Variants in C12orf42 observed in about 807,000 individuals in gnomAD.
C12orf42 encodes the protein uncharacterized protein C12orf42.
In C12orf42, 25 loss-of-function variants were observed where a neutral mutation model predicts 21.6. The ratio of observed to expected loss-of-function variants is 1.16; its 90% CI spans 0.84 to 1.62. The LOEUF (loss-of-function observed/expected upper bound fraction) is 1.62. Ranked by LOEUF, C12orf42 falls within the 40% of genes most tolerant of loss-of-function variation. C12orf42 has a pLI of 0.00. For missense variants in C12orf42, 483 were observed against 459.3 expected, an observed-to-expected ratio of 1.05 and a Z score of -0.47; for synonymous variants, 174 against 175.0, an observed-to-expected ratio of 0.99 and a Z score of 0.05.
chr12:103,454,613 T>C (rs940222725), intron 2 of C12orf42, among the ~76,000 whole-genome samples: 3 of 152,042 alleles, frequency 2.0e-5, no homozygotes, highest in African/African-American at 7.2e-5. Context: ...TTCATAAGAG[T>C]TGCTGAAAGT....
the C12orf42 span, among the ~76,000 whole-genome samples, chr12:103,140,900 G>A: frequency 2.0e-5 from 3 of 152,054 alleles, no homozygotes; most frequent in Non-Finnish European, 2.9e-5. Context: ...CAACATCCCT[G>A]ATGTATGAGT....
the C12orf42 span, among the ~76,000 whole-genome samples, chr12:103,159,042 A>G: frequency 6.6e-6 from 1 of 152,162 alleles, no homozygotes; most frequent in Non-Finnish European, 1.5e-5. Flanking sequence ...CAAAACATAG[A>G]TCTTCTTTGA....
chr12:103,143,192 G>A, the C12orf42 span, among the ~76,000 whole-genome samples: 35 of 152,352 alleles, frequency 2.3e-4, no homozygotes, highest in African/African-American at 7.7e-4. Flanking sequence ...AGTAGACACT[G>A]TGGGGTGTCC....
the C12orf42 span, among the ~76,000 whole-genome samples, chr12:103,169,154 TATAATATAAATAA>T: frequency 7.3e-6 from 1 of 136,894 alleles, no homozygotes. Flanking sequence ...GAACTTAAAG[TATAATATAAATAA>T]ATAAATAAAT....
intron 10 of C12orf42, among the ~76,000 whole-genome samples, chr12:103,238,236 T>C (rs1240544217): frequency 6.6e-6 from 1 of 152,114 alleles, no homozygotes; most frequent in African/African-American, 2.4e-5. Context: ...CCTTTTTTTT[T>C]TTTAACCTAC....
chr12:103,270,510 A>G (rs2035403065), intron 5 of C12orf42, among the ~76,000 whole-genome samples: 1 of 150,800 alleles, frequency 6.6e-6, no homozygotes, highest in South Asian at 2.1e-4. Flanking sequence ...TCCCAAAGAT[A>G]TTTATTTTTA....
At chr12:103,507,112 TA>T in the C12orf42 span, among the ~76,000 whole-genome samples, 255 of 16,028 alleles carry the variant, frequency 0.016, 48 homozygotes, top group African/African-American at 0.15. Context: ...ATAATATAAA[TA>T]TATATTTATA....
At chr12:103,420,131 AGTT>A (rs2049749253) in intron 2 of C12orf42, among the ~76,000 whole-genome samples, 1 of 152,232 alleles carries the variant, frequency 6.6e-6, no homozygotes, top group Admixed American at 6.5e-5. Context: ...ACTTTTACAT[AGTT>A]GTTTTCATTG....
At chr12:103,472,480 A>G in intron 2 of C12orf42, among the ~76,000 whole-genome samples, 1 of 152,228 alleles carries the variant, frequency 6.6e-6, no homozygotes, top group Admixed American at 6.5e-5. Context: ...CCTCAATTAT[A>G]TTTTATATTC....
At chr12:103,346,224 T>A (rs2042611247) in intron 4 of C12orf42, among the ~76,000 whole-genome samples, 2 of 152,208 alleles carry the variant, frequency 1.3e-5, no homozygotes, top group Admixed American at 1.3e-4. Context: ...AATATTAAAT[T>A]AGAATTGGTC....
chr12:103,308,666 T>C (rs545141092), intron 4 of C12orf42, among the ~76,000 whole-genome samples: 1 of 152,344 alleles, frequency 6.6e-6, no homozygotes, highest in Non-Finnish European at 1.5e-5. Context: ...AGGAAGGCAT[T>C]GGGCCTGAGG....
chr12:103,346,736 C>T (rs917597982), intron 4 of C12orf42, among the ~76,000 whole-genome samples: 3 of 152,188 alleles, frequency 2.0e-5, no homozygotes, highest in South Asian at 2.1e-4. Context: ...CACTACAATA[C>T]GCCATCTGTA....
At chr12:103,184,808 A>T in the C12orf42 span, among the ~76,000 whole-genome samples, 1 of 150,628 alleles carries the variant, frequency 6.6e-6, no homozygotes, top group Non-Finnish European at 1.5e-5. Context: ...GGTAACTAAG[A>T]AAAAATGAGG....
At chr12:103,519,536 A>T in the C12orf42 span, among the ~76,000 whole-genome samples, 1 of 152,232 alleles carries the variant, frequency 6.6e-6, no homozygotes, top group Admixed American at 6.5e-5. Context: ...TCCACAGAAT[A>T]GAATGGTGTA....
chr12:103,443,377 G>A (rs2137339845), intron 2 of C12orf42, among the ~76,000 whole-genome samples: 1 of 152,054 alleles, frequency 6.6e-6, no homozygotes, highest in African/African-American at 2.4e-5. Flanking sequence ...TTTCCTCCAT[G>A]TTGCAAATAA....
chr12:103,525,127 C>A, the C12orf42 span, among the ~76,000 whole-genome samples: 1 of 152,126 alleles, frequency 6.6e-6, no homozygotes, highest in Non-Finnish European at 1.5e-5. Context: ...ACGTGATCCC[C>A]CTGCCTCAGC....
At chr12:103,284,591 T>A (rs751356370) in intron 4 of C12orf42, among the ~76,000 whole-genome samples, 3 of 152,236 alleles carry the variant, frequency 2.0e-5, no homozygotes, top group Non-Finnish European at 4.4e-5. Flanking sequence ...CCAAGGTTAT[T>A]AAAAGACAAG....
At chr12:103,514,454 G>A in the C12orf42 span, among the ~76,000 whole-genome samples, 1 of 152,200 alleles carries the variant, frequency 6.6e-6, no homozygotes, top group Admixed American at 6.5e-5. Context: ...AAAGCTCCAG[G>A]GTACAAGTGT....
At chr12:103,477,261 C>G (rs760379943) in intron 2 of C12orf42, among the ~76,000 whole-genome samples, 1 of 151,710 alleles carries the variant, frequency 6.6e-6, no homozygotes, top group East Asian at 1.9e-4. Flanking sequence ...ATGGCAGGAC[C>G]TCTGGGCAGA....
Sources: allele counts gnomAD v4.1 joint callset (sites outside exome capture counted in the v4.1 genomes callset), GRCh38; gene constraint gnomAD v4.1.1; transcripts MANE v1.5; gene names NCBI Gene and HGNC (gene_info 2026-07-23, HGNC 2026-07-21).